PROM1: variants seen among roughly 807,000 people sequenced by gnomAD.
The protein encoded by PROM1 is prominin-1.
Under a neutral mutation model 116.9 loss-of-function variants are expected in PROM1, and 105 were observed. The observed-to-expected ratio is 0.90, with a 90% CI of 0.77 to 1.06. The LOEUF (loss-of-function observed/expected upper bound fraction) is 1.06. Ranked by LOEUF, PROM1 falls within the 50% of genes least tolerant of loss-of-function variation. PROM1 has a pLI of 0.00. For missense variants in PROM1, 1,122 were observed against 1,045.2 expected (o/e 1.07, Z -1.01); for synonymous variants, 393 against 387.0 (o/e 1.02, Z -0.18).
At chr4:16,070,955 C>A (rs891404323) in intron 2 of PROM1, among the ~76,000 whole-genome samples, 2 of 152,168 alleles carry the variant, frequency 1.3e-5, no homozygotes, top group Admixed American at 1.3e-4. Context: ...TTGATTGTAA[C>A]TGTAATCCAC....
chr4:16,007,353 T>C (rs1405118572), intron 12 of PROM1, among the ~76,000 whole-genome samples: 1 of 152,262 alleles, frequency 6.6e-6, no homozygotes, highest in Non-Finnish European at 1.5e-5. Flanking sequence ...TAGGCCTTAC[T>C]GGCATTCCCG....
chr4:16,077,568 TC>T (rs1744225026), intron 1 of PROM1, among the ~76,000 whole-genome samples: 1 of 152,106 alleles, frequency 6.6e-6, no homozygotes, highest in Non-Finnish European at 1.5e-5. Context: ...CTTTTTCTTT[TC>T]CAAGTCTCTC....
In PROM1 at chr4:16,075,868, C is replaced by T; in HGVS notation, c.39G>A (p.Leu13=). The change falls in exon 2 of 28, where the codon CTG becomes CTA. Residue 13 remains leucine (L), a synonymous_variant. Coordinates refer to ENST00000447510, the MANE Select transcript of PROM1 (RefSeq NM_006017.3). The part of the protein sequence containing the change: ...LVLGSLLLLG[L]CGNSFSGGQP... ...GCCCTCCTGAAAAGGAGTTCCCGCA[C>T]AGCCCCAGCAGCAACAGGGAGCCGA... 1 of 1,613,342 alleles carries T rather than the reference C, an allele frequency of 6.2e-7. No homozygotes were observed. Among genetic ancestry groups the T allele is most frequent in the African/African-American group, 1.3e-5 (1 of 75,018 alleles).
chr4:16,072,593 T>G (rs140678249), intron 2 of PROM1, among the ~76,000 whole-genome samples: 2,601 of 152,340 alleles, frequency 0.017, 35 homozygotes, highest in Middle Eastern at 0.044. Flanking sequence ...ATAGTTTAAC[T>G]TTGAAACAAA....
chr4:15,972,695 C>T (rs1714899237), intron 26 of PROM1, among the ~76,000 whole-genome samples: 1 of 152,192 alleles, frequency 6.6e-6, no homozygotes, highest in South Asian at 2.1e-4. Flanking sequence ...GGATACATTT[C>T]TTCAGGCCAT....
Position 16,059,528 on chromosome 4 carries a change from A to G in PROM1, c.220+16159T>C, listed in dbSNP as rs58265184. Among the ~76,000 whole-genome samples the G allele has an allele frequency of 8.8e-3, 1,343 of 152,170 alleles. 40 individuals are homozygous for G. The highest frequency in any genetic ancestry group is 0.065 in the East Asian group (337 of 5,180). ...AGACCAGCCTGGGCAACATGGGGAGATCCTGTCTCTCTAAAAAATAAAAAA... is the reference window on the plus strand; with the variant it reads ...AGACCAGCCTGGGCAACATGGGGAGGTCCTGTCTCTCTAAAAAATAAAAAA... On this transcript the variant is annotated intron_variant, in intron 2 of 27. Coordinates refer to ENST00000447510, the MANE Select transcript of PROM1 (RefSeq NM_006017.3).
At chr4:15,991,526 A>C (rs73230286) in intron 17 of PROM1, among the ~76,000 whole-genome samples, 11,112 of 152,208 alleles carry the variant, frequency 0.073, 461 homozygotes, top group African/African-American at 0.088. Flanking sequence ...ATAATGTTAT[A>C]ACATGGATGA....
At chr4:16,018,036 C>T (rs1728849819) in intron 9 of PROM1, among the ~76,000 whole-genome samples, 1 of 152,004 alleles carries the variant, frequency 6.6e-6, no homozygotes, top group East Asian at 1.9e-4. Context: ...TCTTAAAGGT[C>T]TACATGAATA....
At chr4:15,978,661 G>A (rs1716871328) in intron 26 of PROM1, among the ~76,000 whole-genome samples, 1 of 152,212 alleles carries the variant, frequency 6.6e-6, no homozygotes, top group Non-Finnish European at 1.5e-5. Flanking sequence ...AGCGGGCTCG[G>A]GGGAGCACTG....
intron 2 of PROM1, among the ~76,000 whole-genome samples, chr4:16,072,172 C>T (rs1042101326): frequency 6.6e-6 from 1 of 152,088 alleles, no homozygotes; most frequent in Admixed American, 6.5e-5. Context: ...TGTCTCAAGT[C>T]CCAGCTGAAT....
At chr4:15,970,168 C>CT (rs200730261) in intron 27 of PROM1, among the ~76,000 whole-genome samples, 1,467 of 139,380 alleles carry the variant, frequency 0.011, 10 homozygotes, top group African/African-American at 0.018. Context: ...CTTTTCTTTT[C>CT]TTTTTTTTTT....
intron 19 of PROM1, among the ~76,000 whole-genome samples, chr4:15,989,490 G>A (rs1315106158): frequency 6.6e-6 from 1 of 152,252 alleles, no homozygotes; most frequent in Non-Finnish European, 1.5e-5. Flanking sequence ...ACTAGAGCAA[G>A]GTGGAAGAGA....
At chr4:16,024,186 C>T in intron 7 of PROM1, 109 bp downstream of exon 7, 1 of 983,010 alleles carries the variant, frequency 1.0e-6, no homozygotes, top group Non-Finnish European at 1.6e-6. Context: ...AGGGAATCAT[C>T]TTTCTGTCTT....
rs1185453533 is a variant in PROM1, at chr4:16,075,955, T to C, written c.-49A>G. The C allele has an allele frequency of 1.4e-5, 22 of 1,526,726 alleles. No individual in the cohort carries two copies. The highest frequency in any genetic ancestry group is 1.9e-5 in the Non-Finnish European group (22 of 1,134,694). The allele number at this position is 1,526,726 out of a possible 1,614,324, so 94.6% of individuals were successfully genotyped here. ...GAGGTAGAACTTGGTGCCTCCTGCCTCAGAGCTTCTGGAAGCCTTGGGGAA... is the reference window on the plus strand; with the variant it reads ...GAGGTAGAACTTGGTGCCTCCTGCCCCAGAGCTTCTGGAAGCCTTGGGGAA... On this transcript the variant is annotated 5_prime_UTR_variant, in exon 2 of 28. Transcript: ENST00000447510.
chr4:16,028,684 A>G (rs1487681899), intron 5 of PROM1, among the ~76,000 whole-genome samples: 1 of 139,846 alleles, frequency 7.2e-6, no homozygotes, highest in African/African-American at 2.7e-5. Flanking sequence ...AACAACCTCC[A>G]GTCAATTATT....
chr4:16,025,678 C>G (rs1731071720), intron 5 of PROM1, among the ~76,000 whole-genome samples: 1 of 151,986 alleles, frequency 6.6e-6, no homozygotes, highest in South Asian at 2.1e-4. Context: ...TGTACACACC[C>G]TCCTGTGTGA....
Position 16,004,122 on chromosome 4 carries a change from T to A in PROM1, c.1454+2416A>T, listed in dbSNP as rs528979341. On this transcript the variant is annotated intron_variant, in intron 13 of 27. Transcript: ENST00000447510. ...ATCTCCTCCTTTTGCAATTATCCAG[T>A]TGTTTACCAGATACCTCAAGAAGCA... Among the ~76,000 whole-genome samples, 4 of 152,372 alleles carry A rather than the reference T, an allele frequency of 2.6e-5. No individual in the cohort carries two copies. The South Asian group carries it at 8.3e-4, about 32-fold the overall frequency.
At chr4:16,011,085 T>C (rs1353182175) in intron 11 of PROM1, among the ~76,000 whole-genome samples, 1 of 152,164 alleles carries the variant, frequency 6.6e-6, no homozygotes, top group African/African-American at 2.4e-5. Flanking sequence ...CCCTGCCTGC[T>C]TCTCAGCCTG....
At chr4:15,993,296 A>C (rs190203443) in intron 16 of PROM1, among the ~76,000 whole-genome samples, 123 of 152,246 alleles carry the variant, frequency 8.1e-4, no homozygotes, top group African/African-American at 2.8e-3. Flanking sequence ...GACAGTCTAG[A>C]TTCTTTCTGG....
Sources: allele counts gnomAD v4.1 joint callset (sites outside exome capture counted in the v4.1 genomes callset), GRCh38; gene constraint gnomAD v4.1.1; transcripts MANE v1.5; gene names NCBI Gene and HGNC (gene_info 2026-07-23, HGNC 2026-07-21).